Variants in SLC24A2 observed in about 807,000 individuals in gnomAD.
SLC24A2 encodes solute carrier family 24 member 2, also known as sodium/potassium/calcium exchanger 2.
SLC24A2 carries 36 observed loss-of-function variants against 62.0 expected under a neutral mutation model. The observed-to-expected ratio is 0.58, with a 90% CI of 0.44 to 0.77. The LOEUF is 0.77. Among genes scored for constraint, SLC24A2 ranks in the 30% least tolerant of loss-of-function variants. The probability of loss-of-function intolerance (pLI) is 0.00; values close to 1 mark genes in which losing one functional copy is unlikely to be tolerated. For missense variants in SLC24A2, 846 were observed against 817.9 expected, an observed-to-expected ratio of 1.03 and a Z score of -0.42; for synonymous variants, 358 against 294.0, an observed-to-expected ratio of 1.22 and a Z score of -2.23.
chr9:20,101,321 G>A, the SLC24A2 span, among the ~76,000 whole-genome samples: 1 of 152,332 alleles, frequency 6.6e-6, no homozygotes, highest in South Asian at 2.1e-4. Context: ...CTATTCAAGT[G>A]TAACCCTCAG....
At chr9:19,826,516 T>A in the SLC24A2 span, among the ~76,000 whole-genome samples, 1 of 152,190 alleles carries the variant, frequency 6.6e-6, no homozygotes, top group East Asian at 1.9e-4. Flanking sequence ...CTTACAGTTC[T>A]GGAAGCTGAA....
At chr9:20,285,217 G>C in the SLC24A2 span, among the ~76,000 whole-genome samples, 13 of 152,142 alleles carry the variant, frequency 8.5e-5, no homozygotes, top group Non-Finnish European at 1.5e-4. Flanking sequence ...CATCCAATGT[G>C]ACTGCATGTG....
chr9:20,019,093 G>T, the SLC24A2 span, among the ~76,000 whole-genome samples: 28 of 39,844 alleles, frequency 7.0e-4, no homozygotes, highest in Admixed American at 1.9e-3. Context: ...GAGAAAGAAA[G>T]AAAGAAAGAT....
intron 3 of SLC24A2, among the ~76,000 whole-genome samples, chr9:19,621,624 C>T (rs917882608): frequency 5.9e-5 from 9 of 152,024 alleles, no homozygotes; most frequent in African/African-American, 1.4e-4. Flanking sequence ...TGTTTCTTTA[C>T]GATGGTGCAA....
chr9:19,862,054 C>T, the SLC24A2 span, among the ~76,000 whole-genome samples: 2 of 152,032 alleles, frequency 1.3e-5, no homozygotes, highest in South Asian at 2.1e-4. Context: ...AACAGAACTT[C>T]TCAAATCCAG....
chr9:20,274,492 T>G, the SLC24A2 span, among the ~76,000 whole-genome samples: 186 of 152,290 alleles, frequency 1.2e-3, 1 homozygote, highest in African/African-American at 4.3e-3. Context: ...AATTAACTTT[T>G]GAGGTGCAAG....
intron 2 of SLC24A2, among the ~76,000 whole-genome samples, chr9:19,784,304 G>A (rs181337641): frequency 4.0e-4 from 61 of 152,174 alleles, no homozygotes; most frequent in Non-Finnish European, 8.8e-5. Flanking sequence ...AAATCCTTCC[G>A]CAATCCTACA....
At chr9:20,059,771 A>C in the SLC24A2 span, among the ~76,000 whole-genome samples, 1 of 152,028 alleles carries the variant, frequency 6.6e-6, no homozygotes, top group Non-Finnish European at 1.5e-5. Flanking sequence ...ACTAAAACCA[A>C]AGCTAGCAGA....
chr9:19,538,971 G>T (rs1490117862), intron 8 of SLC24A2, among the ~76,000 whole-genome samples: 1 of 132,668 alleles, frequency 7.5e-6, no homozygotes, highest in Non-Finnish European at 1.6e-5. Context: ...ATTTCTTCTA[G>T]ATTTTCTAGT....
chr9:19,628,000 T>G (rs897843312), intron 2 of SLC24A2, among the ~76,000 whole-genome samples: 1 of 152,228 alleles, frequency 6.6e-6, no homozygotes, highest in African/African-American at 2.4e-5. Flanking sequence ...CTTTTAGAAA[T>G]GAATTCTTTC....
At chr9:19,691,132 T>C (rs566715179) in intron 2 of SLC24A2, among the ~76,000 whole-genome samples, 1 of 152,186 alleles carries the variant, frequency 6.6e-6, no homozygotes, top group African/African-American at 2.4e-5. Flanking sequence ...ACATCCTCCT[T>C]TGAAGGTGTG....
the SLC24A2 span, among the ~76,000 whole-genome samples, chr9:20,111,805 G>C: frequency 2.6e-5 from 4 of 151,960 alleles, no homozygotes; most frequent in African/African-American, 7.3e-5. Context: ...TGTCCACTGG[G>C]GGATGCTTCT....
chr9:19,542,065 C>G (rs557312404), intron 8 of SLC24A2, among the ~76,000 whole-genome samples: 1 of 152,154 alleles, frequency 6.6e-6, no homozygotes, highest in Non-Finnish European at 1.5e-5. Flanking sequence ...TGCTTCGGCT[C>G]GCGCACGGTG....
the SLC24A2 span, among the ~76,000 whole-genome samples, chr9:19,816,099 G>C: frequency 1.3e-5 from 2 of 150,950 alleles, no homozygotes; most frequent in African/African-American, 4.9e-5. Flanking sequence ...AGTTTTTCAC[G>C]AGTGTGCTTT....
chr9:19,793,330 G>T (rs1425152982), upstream of SLC24A2, among the ~76,000 whole-genome samples: 2 of 152,210 alleles, frequency 1.3e-5, no homozygotes, highest in Non-Finnish European at 2.9e-5. Context: ...CTGTTGCAGG[G>T]AGAAAAGATG....
At chr9:19,836,681 C>A in the SLC24A2 span, among the ~76,000 whole-genome samples, 1 of 152,158 alleles carries the variant, frequency 6.6e-6, no homozygotes. Context: ...CCTTCTGAAA[C>A]TATTCCAATC....
intron 10 of SLC24A2, among the ~76,000 whole-genome samples, chr9:19,519,547 A>G (rs1037949010): frequency 6.6e-6 from 1 of 152,168 alleles, no homozygotes; most frequent in South Asian, 2.1e-4. Context: ...CCTTTAAAAC[A>G]TACACCTTTT....
chr9:19,673,705 C>A (rs902392575), intron 2 of SLC24A2, among the ~76,000 whole-genome samples: 8 of 152,192 alleles, frequency 5.3e-5, no homozygotes, highest in African/African-American at 1.9e-4. Flanking sequence ...CTGCTTTGGC[C>A]TCCCAAAATG....
At chr9:20,008,452 T>C in the SLC24A2 span, among the ~76,000 whole-genome samples, 7 of 152,146 alleles carry the variant, frequency 4.6e-5, no homozygotes, top group African/African-American at 1.4e-4. Flanking sequence ...TACTTCTTCA[T>C]TGCTGAAGGA....
Sources: gnomAD v4.1 joint callset for allele counts (sites outside exome capture counted in the v4.1 genomes callset) on GRCh38, gnomAD v4.1.1 for gene constraint, MANE v1.5 for transcripts, NCBI Gene and HGNC (gene_info 2026-07-23, HGNC 2026-07-21) for gene names.